The following DPYD variants were observed in gnomAD, a reference collection of about 807,000 sequenced individuals.
The protein encoded by DPYD is dihydropyrimidine dehydrogenase [NADP(+)].
Under a neutral mutation model 116.2 loss-of-function variants are expected in DPYD, and 109 were observed. The ratio of observed to expected loss-of-function variants is 0.94; its 90% CI spans 0.80 to 1.10. The LOEUF is 1.10. DPYD is among the 50% of genes least tolerant of loss of function. The pLI is 0.00. For synonymous variants in DPYD, 440 were observed against 432.0 expected (o/e 1.02, Z -0.23); for missense variants, 1,302 against 1,254.5 (o/e 1.04, Z -0.57).
chr1:97,660,029 A>G lies in DPYD; in HGVS notation c.850+19066T>C, dbSNP rs1181701189. ...TGGCATGGTGGTTGGTTCTATCACT[A>G]TATTTAAGCAAAATAAAAGTAGCTG... On this transcript the variant is annotated intron_variant, in intron 8 of 22. Transcript: ENST00000370192. Among the ~76,000 whole-genome samples the G allele has an allele frequency of 2.6e-5, 4 of 152,136 alleles. No homozygotes were observed. In the South Asian group the frequency reaches 6.2e-4, roughly 24 times the overall value.
chr1:97,589,323 C>T (rs1423667869), intron 10 of DPYD, among the ~76,000 whole-genome samples: 1 of 152,098 alleles, frequency 6.6e-6, no homozygotes, highest in Non-Finnish European at 1.5e-5. Flanking sequence ...AATTGTAATC[C>T]CCATAATCCC....
chr1:97,751,680 G>A (rs1664935538), intron 3 of DPYD, among the ~76,000 whole-genome samples: 1 of 151,336 alleles, frequency 6.6e-6, no homozygotes. Flanking sequence ...GAGGTAGGAA[G>A]ATTGCTTGAG....
At position 97,460,756 on chromosome 1, in the gene DPYD, C is replaced by T. The variant is rs562540413; in HGVS notation, c.1741-10533G>A. 8.2e-4 allele frequency among the ~76,000 whole-genome samples: 125 copies of T among 152,200 alleles called. 1 individual carries two copies. Among genetic ancestry groups the T allele is most frequent in the African/African-American group, 3.0e-3 (124 of 41,542 alleles). On this transcript the variant is annotated intron_variant, in intron 13 of 22. Coordinates refer to ENST00000370192, the MANE Select transcript of DPYD (RefSeq NM_000110.4). ...TTAACTCCTTGCAAAAGAAGAGACA[C>T]GGCCAGGCACGGTGGCTCATGCCTG...
intron 20 of DPYD, among the ~76,000 whole-genome samples, chr1:97,118,741 A>C (rs971865252): frequency 3.9e-5 from 6 of 152,324 alleles, no homozygotes; most frequent in African/African-American, 1.4e-4. Context: ...CTGTCGACTC[A>C]GAAGTTTAGA....
chr1:97,233,149 C>G (rs1370788056), intron 19 of DPYD, among the ~76,000 whole-genome samples: 1 of 152,094 alleles, frequency 6.6e-6, no homozygotes, highest in East Asian at 1.9e-4. Context: ...GGGCATGGCT[C>G]CTGGTTACTG....
chr1:97,206,275 G>C (rs954174552), intron 19 of DPYD, among the ~76,000 whole-genome samples: 1 of 151,786 alleles, frequency 6.6e-6, no homozygotes, highest in Non-Finnish European at 1.5e-5. Flanking sequence ...CTGTCCTTTT[G>C]TAACTTATTT....
intron 18 of DPYD, among the ~76,000 whole-genome samples, chr1:97,285,992 A>C (rs1334573244): frequency 6.6e-6 from 1 of 152,092 alleles, no homozygotes; most frequent in African/African-American, 2.4e-5. Flanking sequence ...TTGCTCATTA[A>C]TTGATGCAGT....
intron 18 of DPYD, among the ~76,000 whole-genome samples, chr1:97,235,384 G>A (rs1026886531): frequency 1.3e-5 from 2 of 152,170 alleles, no homozygotes; most frequent in African/African-American, 4.8e-5. Context: ...TTGGGAGGCC[G>A]AGGTGGGTGG....
intron 3 of DPYD, among the ~76,000 whole-genome samples, chr1:97,784,449 G>C (rs1666912361): frequency 6.6e-6 from 1 of 152,094 alleles, no homozygotes; most frequent in Non-Finnish European, 1.5e-5. Flanking sequence ...ACACACTTAA[G>C]TCTCTAAGTG....
chr1:97,452,693 C>T (rs1446493961), intron 13 of DPYD, among the ~76,000 whole-genome samples: 1 of 151,958 alleles, frequency 6.6e-6, no homozygotes, highest in Non-Finnish European at 1.5e-5. Flanking sequence ...TGAGTGAGTT[C>T]TTGTAAGATG....
intron 10 of DPYD, among the ~76,000 whole-genome samples, chr1:97,580,638 G>A (rs1653581784): frequency 6.6e-6 from 1 of 152,132 alleles, no homozygotes; most frequent in African/African-American, 2.4e-5. Flanking sequence ...AAGCCCACTT[G>A]TGTGCTTTTT....
intron 2 of DPYD, among the ~76,000 whole-genome samples, chr1:97,866,463 T>G (rs1050639411): frequency 2.0e-5 from 3 of 151,942 alleles, no homozygotes; most frequent in African/African-American, 7.2e-5. Flanking sequence ...AGATTTGAGA[T>G]AGTAGCATAG....
chr1:97,322,389 C>A (rs55972638), intron 16 of DPYD, among the ~76,000 whole-genome samples: 140 of 151,846 alleles, frequency 9.2e-4, no homozygotes, highest in Non-Finnish European at 1.7e-3. Flanking sequence ...GGACTGATAT[C>A]CCTTTTTGAG....
chr1:97,903,390 A>C (rs1673457761), intron 1 of DPYD, among the ~76,000 whole-genome samples: 1 of 151,880 alleles, frequency 6.6e-6, no homozygotes, highest in South Asian at 2.1e-4. Context: ...AGCATGTGAA[A>C]ATTTTTAGAA....
chr1:97,861,260 T>C (rs1229408220), intron 2 of DPYD, among the ~76,000 whole-genome samples: 1 of 151,796 alleles, frequency 6.6e-6, no homozygotes, highest in Non-Finnish European at 1.5e-5. Flanking sequence ...GTAAGCTGAG[T>C]ATAGCAAAAG....
At chr1:97,206,602 G>A (rs1253247902) in intron 19 of DPYD, among the ~76,000 whole-genome samples, 2 of 131,526 alleles carry the variant, frequency 1.5e-5, no homozygotes, top group African/African-American at 2.7e-5. Flanking sequence ...CCACTACTAC[G>A]AAGGCAACTG....
At chr1:97,910,751 C>T (rs1413263995) in intron 1 of DPYD, among the ~76,000 whole-genome samples, 2 of 151,976 alleles carry the variant, frequency 1.3e-5, no homozygotes, top group East Asian at 3.9e-4. Context: ...TTATAAAGGA[C>T]AGAGGTTATC....
At position 97,699,477 on chromosome 1, in the gene DPYD, G is replaced by C. The variant is rs2100972015; in HGVS notation, c.554C>G (p.Ala185Gly). 1 of 1,613,504 alleles carries C rather than the reference G, an allele frequency of 6.2e-7. No homozygotes were observed. Among genetic ancestry groups the C allele is most frequent in the Non-Finnish European group, 8.5e-7 (1 of 1,179,650 alleles). ...SLPPPEKMSE[A>G]YSAKIALFGA... ...AAAAAGAGCAATCTTTGCAGAATAGGCTTCAGACATTTTTTCTGGGGGAGG... is the reference window on the plus strand; with the variant it reads ...AAAAAGAGCAATCTTTGCAGAATAGCCTTCAGACATTTTTTCTGGGGGAGG... Residue 185 changes from alanine (A) to glycine (G), a missense_variant, in exon 6 of 23, where the codon GCC (alanine) becomes GGC (glycine). By Grantham distance (60) the Ala-to-Gly change is moderately conservative. Coordinates refer to ENST00000370192, the MANE Select transcript of DPYD (RefSeq NM_000110.4).
chr1:97,308,820 A>C (rs1016178698), intron 16 of DPYD, among the ~76,000 whole-genome samples: 3 of 151,874 alleles, frequency 2.0e-5, no homozygotes, highest in Admixed American at 6.6e-5. Context: ...AATTCTTCCC[A>C]AAATCTTCAG....
Sources: gnomAD v4.1 joint callset for allele counts (sites outside exome capture counted in the v4.1 genomes callset) on GRCh38, gnomAD v4.1.1 for gene constraint, MANE v1.5 for transcripts, NCBI Gene and HGNC (gene_info 2026-07-23, HGNC 2026-07-21) for gene names.